The following RPE65 variants were observed in gnomAD, a reference collection of about 807,000 sequenced individuals.
RPE65 encodes retinoid isomerohydrolase RPE65.
Under a neutral mutation model 68.5 loss-of-function variants are expected in RPE65, and 58 were observed. The ratio of observed to expected loss-of-function variants is 0.85; its 90% CI spans 0.69 to 1.05. RPE65 has a LOEUF of 1.05. Among genes scored for constraint, RPE65 ranks in the 50% least tolerant of loss-of-function variants. The pLI is 0.00. For missense variants in RPE65, 643 were observed against 629.9 expected, an observed-to-expected ratio of 1.02 and a Z score of -0.22; for synonymous variants, 220 against 222.2, an observed-to-expected ratio of 0.99 and a Z score of 0.09.
chr1:68,438,314 A>C lies in RPE65; in HGVS notation c.1001T>G (p.Phe334Cys). ...ATATAAGTAATTATAAACAAACTCAAATCTGCAAAAATAAAAAGTCAAACA... is the reference window on the plus strand; with the variant it reads ...ATATAAGTAATTATAAACAAACTCACATCTGCAAAAATAAAAAGTCAAACA... ...LIVDLCCWKG[F>C]EFVYNYLYLA... Residue 334 changes from phenylalanine to cysteine, a missense_variant and splice_region_variant, in exon 10 of 14, where the codon TTT becomes TGT. Physicochemically the swap from Phe to Cys is radical, Grantham distance 205 (BLOSUM62 -2). Coordinates refer to ENST00000262340, the MANE Select transcript of RPE65 (RefSeq NM_000329.3). The C allele has an allele frequency of 6.2e-7, 1 of 1,612,876 alleles. No homozygotes were observed. Among genetic ancestry groups the C allele is most frequent in the Non-Finnish European group, 8.5e-7 (1 of 1,179,754 alleles).
At chr1:68,441,948 GAGA>G (rs1220682263) in intron 5 of RPE65, among the ~76,000 whole-genome samples, 2 of 152,136 alleles carry the variant, frequency 1.3e-5, no homozygotes, top group African/African-American at 4.8e-5. Flanking sequence ...GCTCAGGAGA[GAGA>G]AGATCTTTGC....
chr1:68,434,091 G>GATATATAT (rs56401732), intron 10 of RPE65, among the ~76,000 whole-genome samples: 5 of 138,558 alleles, frequency 3.6e-5, no homozygotes, highest in Admixed American at 7.3e-5. Context: ...GGGCATGAGG[G>GATATATAT]ATATATATAT....
Position 68,436,538 on chromosome 1 carries a change from G to A in RPE65, c.1128+1649C>T, listed in dbSNP as rs537644842. Among the ~76,000 whole-genome samples, 10 of 151,482 alleles carry A rather than the reference G, an allele frequency of 6.6e-5. No homozygotes were observed. In the South Asian group the frequency reaches 8.4e-4, roughly 13 times the overall value. ...GGCTGGAGTGCAATGGCATGATCTCGGCTCACTGCAACCTCTGCCTCCTGG... is the reference window on the plus strand; with the variant it reads ...GGCTGGAGTGCAATGGCATGATCTCAGCTCACTGCAACCTCTGCCTCCTGG... On this transcript the variant is annotated intron_variant, in intron 10 of 13. Coordinates refer to ENST00000262340, the MANE Select transcript of RPE65 (RefSeq NM_000329.3).
At position 68,448,626 on chromosome 1, in the gene RPE65, G is replaced by A. The variant is rs774306896; in HGVS notation, c.92C>T (p.Thr31Ile). The change falls in exon 2 of 14, where the codon ACA becomes ATA. Residue 31 changes from threonine to isoleucine, a missense_variant and splice_region_variant. By Grantham distance (89) the Thr-to-Ile change is moderately conservative (BLOSUM62 -1). Transcript: ENST00000262340. ...GCTTCAAGATGGGCGAGACCAACCT[G>A]TTACATGAGCTGTGAGCGGCGAGGA... ...ELSSPLTAHVTGRIPLWLTGS... is the reference protein window; with the variant it reads ...ELSSPLTAHVIGRIPLWLTGS... The A allele has an allele frequency of 6.2e-7, 1 of 1,613,842 alleles. No individual in the cohort carries two copies. The highest frequency in any genetic ancestry group is 8.5e-7 in the Non-Finnish European group (1 of 1,179,914).
intron 10 of RPE65, 36 bp from the exon 11 acceptor site, chr1:68,431,621 G>A: frequency 6.4e-7 from 1 of 1,561,896 alleles, no homozygotes; most frequent in Non-Finnish European, 8.8e-7. Context: ...CAGTGAGCAG[G>A]AAAGAATTCA....
At chr1:68,438,013 C>A (rs544619662) in intron 10 of RPE65, among the ~76,000 whole-genome samples, 174 bp downstream of exon 10, 2 of 152,282 alleles carry the variant, frequency 1.3e-5, no homozygotes, top group Non-Finnish European at 2.9e-5. Context: ...TCACAGTACT[C>A]TTCTGAGCTT....
At chr1:68,435,729 A>G (rs370365891) in intron 10 of RPE65, among the ~76,000 whole-genome samples, 11 of 152,308 alleles carry the variant, frequency 7.2e-5, no homozygotes, top group African/African-American at 2.6e-4. Flanking sequence ...CCCATTGCAA[A>G]TAACTATGTT....
At chr1:68,433,743 G>A (rs900577937) in intron 10 of RPE65, among the ~76,000 whole-genome samples, 16 of 152,132 alleles carry the variant, frequency 1.1e-4, no homozygotes, top group African/African-American at 3.6e-4. Flanking sequence ...ACTTAGTTCA[G>A]CCTCAGAGGT....
At chr1:68,437,189 T>C (rs1645868173) in intron 10 of RPE65, among the ~76,000 whole-genome samples, 1 of 152,192 alleles carries the variant, frequency 6.6e-6, no homozygotes. Flanking sequence ...AAGGCTTATA[T>C]AGCCCATTAC....
intron 1 of RPE65, 116 bp from the exon 2 acceptor site, chr1:68,448,822 C>G: frequency 2.4e-6 from 1 of 414,286 alleles, no homozygotes; most frequent in Non-Finnish European, 4.7e-6. Flanking sequence ...CTGTTCACTC[C>G]TGCCGGTCTA....
chr1:68,442,191 G>T (rs942271752), intron 5 of RPE65, among the ~76,000 whole-genome samples: 1 of 152,160 alleles, frequency 6.6e-6, no homozygotes, highest in African/African-American at 2.4e-5. Context: ...CAATGGCATC[G>T]TAGAGAAGCG....
At chr1:68,442,401 G>T (rs1645909814) in intron 5 of RPE65, among the ~76,000 whole-genome samples, 1 of 152,218 alleles carries the variant, frequency 6.6e-6, no homozygotes. Context: ...TGGCTGCCAT[G>T]AAGGGCATGC....
rs558266391 is a variant in RPE65 at position 68,438,049 on chromosome 1, G to T, written c.1128+138C>A. 6 of 1,047,412 alleles carry T rather than the reference G, an allele frequency of 5.7e-6. No homozygotes were observed. The East Asian group carries it at 1.3e-4, about 23-fold the overall frequency. 64.9% of individuals were successfully genotyped at this position (1,047,412 alleles called of 1,614,324 possible). A position where few individuals can be genotyped will look rare whatever the true frequency, so the allele number is the denominator to read the frequency against. On this transcript the variant is annotated intron_variant, in intron 10 of 13. Transcript: ENST00000262340. Reference sequence around the variant, plus strand: ...TAGTTTCATTTGTAAAATGAAGGAAGTTTAATTAGCCTATTTTTAAAGCTC... The same window carrying T: ...TAGTTTCATTTGTAAAATGAAGGAATTTTAATTAGCCTATTTTTAAAGCTC...
At position 68,440,812 on chromosome 1, in the gene RPE65, T is replaced by A. The variant is rs1306081443; in HGVS notation, c.643+41A>T. 2.5e-6 allele frequency: 4 copies of A among 1,609,528 alleles called. No individual in the cohort carries two copies. The Admixed American group carries it at 6.7e-5, about 27-fold the overall frequency. ...ACAATACAGTAACTTTCTCACAATA[T>A]AGACACTTATTTTCAGAAGAGGACA... On this transcript the variant is annotated intron_variant, in intron 6 of 13. Coordinates refer to ENST00000262340, the MANE Select transcript of RPE65 (RefSeq NM_000329.3).
At chr1:68,444,158 A>G (rs903230240) in intron 5 of RPE65, among the ~76,000 whole-genome samples, 6 of 152,056 alleles carry the variant, frequency 3.9e-5, no homozygotes, top group Admixed American at 2.0e-4. Context: ...AGCACTTGAT[A>G]AGTATTTGTG....
intron 10 of RPE65, among the ~76,000 whole-genome samples, chr1:68,437,069 T>TGATGCTGCCAGA (rs1553152913): frequency 2.0e-5 from 3 of 152,224 alleles, no homozygotes; most frequent in Non-Finnish European, 4.4e-5. Flanking sequence ...CTGTCTTCCA[T>TGATGCTGCCAGA]GATGCTGCCA....
rs138018979 is a variant in RPE65 at position 68,435,105 on chromosome 1, G to A, written c.1128+3082C>T. On this transcript the variant is annotated intron_variant, in intron 10 of 13. Coordinates refer to ENST00000262340, the MANE Select transcript of RPE65 (RefSeq NM_000329.3). The stretch of plus-strand genomic sequence containing the variant: ...CAACTTGTCTATGGCAATGGGCACC[G>A]TATAACCCTCACCTGCACTCATCTT... 1.8e-4 allele frequency among the ~76,000 whole-genome samples: 28 copies of A among 152,204 alleles called. 1 individual carries two copies. Among genetic ancestry groups the A allele is most frequent in the African/African-American group, 4.3e-4 (18 of 41,510 alleles).
At chr1:68,448,163 G>C (rs968562457) in intron 2 of RPE65, among the ~76,000 whole-genome samples, 1 of 152,168 alleles carries the variant, frequency 6.6e-6, no homozygotes, top group Non-Finnish European at 1.5e-5. Flanking sequence ...AAGTAACTTA[G>C]AGGATTCACA....
rs775260650 is a variant in RPE65 at position 68,439,558 on chromosome 1, T to A, written c.725+3A>T. The A allele has an allele frequency of 2.5e-6, 4 of 1,613,680 alleles. No homozygotes were observed. The highest frequency in any genetic ancestry group is 3.4e-6 in the Non-Finnish European group (4 of 1,179,550). ...GAAGATTCATAGCAGGCCTTCAAGT[T>A]ACCTATGAACGTAAGATGGCTTGAA... On this transcript the variant is annotated splice_donor_region_variant and intron_variant, in intron 7 of 13. Transcript: ENST00000262340.
Sources: allele counts gnomAD v4.1 joint callset (sites outside exome capture counted in the v4.1 genomes callset), GRCh38; gene constraint gnomAD v4.1.1; transcripts MANE v1.5; gene names NCBI Gene and HGNC (gene_info 2026-07-23, HGNC 2026-07-21).